GAS2: variants seen among roughly 807,000 people sequenced by gnomAD.
GAS2 encodes the protein growth arrest-specific protein 2.
GAS2 carries 20 observed loss-of-function variants against 37.5 expected under a neutral mutation model. That is an observed-to-expected ratio of 0.53 (90% confidence interval 0.37 to 0.77). The LOEUF is 0.77. Ranked by LOEUF, GAS2 falls within the 30% of genes least tolerant of loss-of-function variation. The pLI is 0.00. For synonymous variants in GAS2, 144 were observed against 132.2 expected, an observed-to-expected ratio of 1.09 and a Z score of -0.61; for missense variants, 336 against 373.4, an observed-to-expected ratio of 0.90 and a Z score of 0.82.
At chr11:22,761,784 C>CT (rs1374725361) in intron 7 of GAS2, among the ~76,000 whole-genome samples, 3 of 152,082 alleles carry the variant, frequency 2.0e-5, no homozygotes, top group Non-Finnish European at 4.4e-5. Flanking sequence ...AACTGAGACA[C>CT]TGAGGTTGAG....
intron 7 of GAS2, among the ~76,000 whole-genome samples, chr11:22,791,428 G>A (rs976631549): frequency 9.9e-5 from 15 of 152,108 alleles, no homozygotes; most frequent in African/African-American, 2.7e-4. Flanking sequence ...CATGCTTTTC[G>A]CAACTACTTT....
intron 3 of GAS2, among the ~76,000 whole-genome samples, chr11:22,716,785 G>A (rs1336570305): frequency 6.6e-6 from 1 of 152,016 alleles, no homozygotes; most frequent in Non-Finnish European, 1.5e-5. Context: ...TCTGATTAAT[G>A]AATTCAGTAA....
At chr11:22,778,569 G>A (rs947569050) in intron 7 of GAS2, among the ~76,000 whole-genome samples, 1 of 152,260 alleles carries the variant, frequency 6.6e-6, no homozygotes, top group East Asian at 1.9e-4. Flanking sequence ...CCAGGCTTGC[G>A]AAGAGCGGGA....
At chr11:22,802,517 A>G (rs894398729) in intron 7 of GAS2, among the ~76,000 whole-genome samples, 1 of 151,030 alleles carries the variant, frequency 6.6e-6, no homozygotes, top group African/African-American at 2.4e-5. Flanking sequence ...TTCCCCCTTC[A>G]GAATTGAGAA....
At chr11:22,784,814 G>A (rs1333120289) in intron 7 of GAS2, among the ~76,000 whole-genome samples, 1 of 152,058 alleles carries the variant, frequency 6.6e-6, no homozygotes. Flanking sequence ...TCATTTCTGA[G>A]ACATTTCTCC....
intron 7 of GAS2, among the ~76,000 whole-genome samples, chr11:22,798,071 G>A (rs966073479): frequency 1.2e-4 from 18 of 152,090 alleles, no homozygotes; most frequent in South Asian, 6.2e-4. Context: ...TCTGAACTTC[G>A]TTGCTTCTTA....
chr11:22,655,446 A>T (rs975712890), intron 1 of GAS2, among the ~76,000 whole-genome samples: 1 of 152,050 alleles, frequency 6.6e-6, no homozygotes, highest in East Asian at 1.9e-4. Context: ...TAAAAACAGT[A>T]TAAAAAAAAG....
chr11:22,684,131 T>C (rs923363162), intron 2 of GAS2, among the ~76,000 whole-genome samples: 3 of 152,202 alleles, frequency 2.0e-5, no homozygotes, highest in African/African-American at 7.2e-5. Flanking sequence ...AAGGGGAATC[T>C]GTGAAGGCAG....
chr11:22,720,015 A>G (rs747685121), intron 3 of GAS2, among the ~76,000 whole-genome samples: 1 of 152,066 alleles, frequency 6.6e-6, no homozygotes, highest in Non-Finnish European at 1.5e-5. Flanking sequence ...CCTTCATTTC[A>G]AACATTAGTT....
chr11:22,779,327 CTTG>C (rs2134475298), intron 7 of GAS2, among the ~76,000 whole-genome samples: 1 of 152,248 alleles, frequency 6.6e-6, no homozygotes, highest in African/African-American at 2.4e-5. Flanking sequence ...TGTCTGAGTT[CTTG>C]TTTGTTCTGT....
intron 7 of GAS2, among the ~76,000 whole-genome samples, chr11:22,784,927 C>A (rs1855751642): frequency 6.6e-6 from 1 of 152,156 alleles, no homozygotes; most frequent in Non-Finnish European, 1.5e-5. Flanking sequence ...CGTCTTCTGG[C>A]ATGGCTACAG....
At chr11:22,772,085 A>G (rs908351582) in intron 7 of GAS2, among the ~76,000 whole-genome samples, 27 of 152,224 alleles carry the variant, frequency 1.8e-4, no homozygotes, top group African/African-American at 6.5e-4. Context: ...AGATACAAGT[A>G]TAACTCAGTT....
At chr11:22,695,595 G>C (rs1299214161) in intron 3 of GAS2, among the ~76,000 whole-genome samples, 1 of 152,026 alleles carries the variant, frequency 6.6e-6, no homozygotes, top group Non-Finnish European at 1.5e-5. Flanking sequence ...TCTGGCAAGG[G>C]GACAGGATTT....
chr11:22,743,331 A>G (rs1853196928), intron 5 of GAS2, among the ~76,000 whole-genome samples: 1 of 152,116 alleles, frequency 6.6e-6, no homozygotes, highest in Admixed American at 6.6e-5. Flanking sequence ...AATTTTAGCA[A>G]CAGAACCTTA....
intron 2 of GAS2, among the ~76,000 whole-genome samples, chr11:22,680,662 G>A (rs917461093): frequency 6.6e-6 from 1 of 152,090 alleles, no homozygotes; most frequent in Admixed American, 6.6e-5. Flanking sequence ...AGTCTACAAG[G>A]TGGATTGCTA....
intron 1 of GAS2, among the ~76,000 whole-genome samples, chr11:22,658,246 C>G (rs1590580661): frequency 6.6e-6 from 1 of 152,056 alleles, no homozygotes; most frequent in Non-Finnish European, 1.5e-5. Flanking sequence ...CCAGGCTGGT[C>G]TCGAATTCCT....
intron 7 of GAS2, among the ~76,000 whole-genome samples, chr11:22,775,684 A>G (rs1328885077): frequency 1.3e-5 from 2 of 152,148 alleles, no homozygotes; most frequent in Non-Finnish European, 2.9e-5. Context: ...TTTAAAAAAA[A>G]AACCTCCGGG....
chr11:22,773,951 A>G (rs1855120263), intron 7 of GAS2, among the ~76,000 whole-genome samples: 1 of 152,152 alleles, frequency 6.6e-6, no homozygotes, highest in Non-Finnish European at 1.5e-5. Context: ...CTTCCTAGAC[A>G]TTCCCAGTTA....
intron 5 of GAS2, among the ~76,000 whole-genome samples, chr11:22,741,887 G>C (rs561288477): frequency 5.9e-5 from 9 of 152,198 alleles, no homozygotes; most frequent in African/African-American, 1.9e-4. Flanking sequence ...CTCGCACTAG[G>C]CTGTAAAATT....
Sources: allele counts gnomAD v4.1 joint callset (sites outside exome capture counted in the v4.1 genomes callset), GRCh38; gene constraint gnomAD v4.1.1; transcripts MANE v1.5; gene names NCBI Gene and HGNC (gene_info 2026-07-23, HGNC 2026-07-21).